Variants in VGLL3 observed in about 807,000 individuals in gnomAD.
VGLL3 encodes the protein transcription cofactor vestigial-like protein 3.
A neutral mutation model predicts 29.2 loss-of-function variants in VGLL3; 18 were observed. That is an observed-to-expected ratio of 0.62 (90% CI 0.43 to 0.91). The LOEUF (loss-of-function observed/expected upper bound fraction) is 0.91. Among genes scored for constraint, VGLL3 ranks in the 40% least tolerant of loss-of-function variants. VGLL3 has a pLI of 0.00. For synonymous variants in VGLL3, 180 were observed against 151.8 expected (o/e 1.19, Z -1.36); for missense variants, 440 against 413.2 (o/e 1.06, Z -0.56).
intron 1 of VGLL3, among the ~76,000 whole-genome samples, chr3:86,982,372 CT>C (rs1705343987): frequency 6.6e-6 from 1 of 151,990 alleles, no homozygotes; most frequent in African/African-American, 2.4e-5. Context: ...TCTCAAACTC[CT>C]GACCTCAGGT....
intron 3 of VGLL3, among the ~76,000 whole-genome samples, chr3:86,961,340 G>C (rs191149368): frequency 5.3e-4 from 81 of 152,166 alleles, no homozygotes; most frequent in African/African-American, 1.9e-3. Context: ...ATCTTCACTT[G>C]AAAAATTAAT....
At chr3:86,963,852 C>T (rs1389439681) in intron 3 of VGLL3, among the ~76,000 whole-genome samples, 1 of 152,186 alleles carries the variant, frequency 6.6e-6, no homozygotes, top group African/African-American at 2.4e-5. Context: ...GGCAGTCTGG[C>T]TTCAAAGCTC....
intron 2 of VGLL3, among the ~76,000 whole-genome samples, chr3:86,970,810 C>A (rs925795338): frequency 7.9e-5 from 12 of 152,082 alleles, no homozygotes; most frequent in African/African-American, 2.9e-4. Flanking sequence ...GACCAAGGAG[C>A]CCAGCTCTGA....
At chr3:86,974,968 G>GAAAAGGCATC (rs1208927735) in intron 2 of VGLL3, among the ~76,000 whole-genome samples, 1 of 152,194 alleles carries the variant, frequency 6.6e-6, no homozygotes, top group East Asian at 1.9e-4. Context: ...AAGGAAGAGA[G>GAAAAGGCATC]AAAAGGCATC....
chr3:86,949,936 T>A (rs2106963017), intron 3 of VGLL3, among the ~76,000 whole-genome samples: 1 of 152,122 alleles, frequency 6.6e-6, no homozygotes, highest in Non-Finnish European at 1.5e-5. Flanking sequence ...AGTCAACAAG[T>A]ACATTTAGTT....
chr3:86,978,246 G>T (rs995936106), intron 2 of VGLL3, among the ~76,000 whole-genome samples: 1 of 152,170 alleles, frequency 6.6e-6, no homozygotes. Flanking sequence ...CTTTAGGAAT[G>T]GTACTTCGCA....
rs928339949 is a variant in VGLL3, at chr3:86,940,287, G to A, written c.*6737C>T. The A allele has an allele frequency of 2.0e-5, 3 of 152,412 alleles. No homozygotes were observed. Among genetic ancestry groups the A allele is most frequent in the African/African-American group, 7.3e-5 (3 of 41,378 alleles). 9.4% of individuals were successfully genotyped at this position (152,412 alleles called of 1,614,324 possible). On this transcript the variant is annotated 3_prime_UTR_variant, in exon 4 of 4. Coordinates refer to ENST00000398399, the MANE Select transcript of VGLL3 (RefSeq NM_016206.4). Reference sequence around the variant, plus strand: ...TTGTTTGTTTTTTCATACTACTTATGGCAGAGTCCCTGTCAACAAATGTAA... The same window carrying A: ...TTGTTTGTTTTTTCATACTACTTATAGCAGAGTCCCTGTCAACAAATGTAA...
At chr3:86,967,694 C>T (rs1704992848) in intron 3 of VGLL3, among the ~76,000 whole-genome samples, 1 of 152,120 alleles carries the variant, frequency 6.6e-6, no homozygotes, top group Admixed American at 6.5e-5. Context: ...AGCAAAAGAA[C>T]CTGGGACCCA....
chr3:86,951,464 C>T (rs974530768), intron 3 of VGLL3, among the ~76,000 whole-genome samples: 3 of 152,078 alleles, frequency 2.0e-5, no homozygotes, highest in African/African-American at 7.2e-5. Flanking sequence ...CCCAAAGGGC[C>T]AGCCTTCTAA....
chr3:86,962,518 AATGAAT>A (rs1487255991), intron 3 of VGLL3: 1 of 985,222 alleles, frequency 1.0e-6, no homozygotes, highest in East Asian at 1.1e-4. Flanking sequence ...AATATGTTGT[AATGAAT>A]CTTAACAATT....
At chr3:86,989,902 A>G (rs1705543971) in intron 1 of VGLL3, among the ~76,000 whole-genome samples, 1 of 152,100 alleles carries the variant, frequency 6.6e-6, no homozygotes. Flanking sequence ...ACCCCTTATT[A>G]TGGACATCTT....
chr3:86,984,044 A>G (rs1004601280), intron 1 of VGLL3, among the ~76,000 whole-genome samples: 1 of 152,234 alleles, frequency 6.6e-6, no homozygotes, highest in Non-Finnish European at 1.5e-5. Context: ...AACAGAAAAC[A>G]TCAGTCAGCA....
At chr3:86,958,138 C>T (rs557826936) in intron 3 of VGLL3, among the ~76,000 whole-genome samples, 2 of 152,234 alleles carry the variant, frequency 1.3e-5, no homozygotes, top group Admixed American at 1.3e-4. Flanking sequence ...TAGATCCCAC[C>T]TCTTGATGGT....
Position 86,942,148 on chromosome 3 carries a change from T to C in VGLL3, c.*4876A>G, listed in dbSNP as rs1233957083. ...TCTCTCAAACAAGCCTTTCTTATTCTGAAAGATGTCTTTTATCTTACAGGA... is the reference window on the plus strand; with the variant it reads ...TCTCTCAAACAAGCCTTTCTTATTCCGAAAGATGTCTTTTATCTTACAGGA... On this transcript the variant is annotated 3_prime_UTR_variant, in exon 4 of 4. Coordinates refer to ENST00000398399, the MANE Select transcript of VGLL3 (RefSeq NM_016206.4). 2.0e-5 allele frequency: 3 copies of C among 152,196 alleles called. No homozygotes were observed. Among genetic ancestry groups the C allele is most frequent in the Admixed American group, 1.3e-4 (2 of 15,274 alleles). The allele number at this position is 152,196 out of a possible 1,614,324, so 9.4% of individuals were successfully genotyped here. A position where few individuals can be genotyped will look rare whatever the true frequency, so the allele number is the denominator to read the frequency against.
rs1333660400 is a variant in VGLL3 at position 86,940,159 on chromosome 3, T to C, written c.*6865A>G. 2 of 152,208 alleles carry C rather than the reference T, an allele frequency of 1.3e-5. No homozygotes were observed. The highest frequency in any genetic ancestry group is 2.9e-5 in the Non-Finnish European group (2 of 68,044). The allele number at this position is 152,208 out of a possible 1,614,324, so 9.4% of individuals were successfully genotyped here. A position where few individuals can be genotyped will look rare whatever the true frequency, so the allele number is the denominator to read the frequency against. Reference sequence around the variant, plus strand: ...TTAGTACTTTCACATTAAAGATACGTGTAATAAGAAAATTGAAGGCCCACT... The same window carrying C: ...TTAGTACTTTCACATTAAAGATACGCGTAATAAGAAAATTGAAGGCCCACT... On this transcript the variant is annotated 3_prime_UTR_variant, in exon 4 of 4. Coordinates refer to ENST00000398399, the MANE Select transcript of VGLL3 (RefSeq NM_016206.4).
Position 86,944,365 on chromosome 3 carries a change from C to G in VGLL3, c.*2659G>C, listed in dbSNP as rs954898682. The G allele has an allele frequency of 6.6e-6, 1 of 152,508 alleles. No individual in the cohort carries two copies. The highest frequency in any genetic ancestry group is 1.9e-4 in the East Asian group (1 of 5,186). The allele number at this position is 152,508 out of a possible 1,614,324, so 9.4% of individuals were successfully genotyped here. ...GGCTCAAACGTTCCTCCGGACTCAGCCTCCAGAGTAGCTGGGACAACAGGT... is the reference window on the plus strand; with the variant it reads ...GGCTCAAACGTTCCTCCGGACTCAGGCTCCAGAGTAGCTGGGACAACAGGT... On this transcript the variant is annotated 3_prime_UTR_variant, in exon 4 of 4. Transcript: ENST00000398399.
At position 86,951,635 on chromosome 3, in the gene VGLL3, T is replaced by A. The variant is rs139464644; in HGVS notation, c.938-4568A>T. On this transcript the variant is annotated intron_variant, in intron 3 of 3. Coordinates refer to ENST00000398399, the MANE Select transcript of VGLL3 (RefSeq NM_016206.4). ...CAGATCTACCTCTTGTAAAATGCTA[T>A]AGAAATAAGAAAATAGAAATGGCAA... is the stretch of plus-strand genomic sequence containing the variant. Among the ~76,000 whole-genome samples, 6 of 152,224 alleles carry A rather than the reference T, an allele frequency of 3.9e-5. No homozygotes were observed. The East Asian group carries it at 9.7e-4, about 25-fold the overall frequency.
At chr3:86,971,327 C>G (rs540505944) in intron 2 of VGLL3, among the ~76,000 whole-genome samples, 19 of 152,248 alleles carry the variant, frequency 1.2e-4, no homozygotes, top group Non-Finnish European at 2.4e-4. Context: ...ACTGCAAGCT[C>G]TTCTATTCTC....
At position 86,978,523 on chromosome 3, in the gene VGLL3, T is replaced by C. The variant is rs199842002; in HGVS notation, c.403+3A>G. ...TGGAGAACATCTGCTTTTGAATTCT[T>C]ACCTCGCCATAGGGGGGTTAGCCCC... On this transcript the variant is annotated splice_donor_region_variant and intron_variant, in intron 2 of 3. Coordinates refer to ENST00000398399, the MANE Select transcript of VGLL3 (RefSeq NM_016206.4). 4.3e-4 allele frequency: 690 copies of C among 1,613,508 alleles called. 2 individuals are homozygous for C. The African/African-American group carries it at 8.2e-3, about 19-fold the overall frequency.
Sources: allele counts gnomAD v4.1 joint callset (sites outside exome capture counted in the v4.1 genomes callset), GRCh38; gene constraint gnomAD v4.1.1; transcripts MANE v1.5; gene names NCBI Gene and HGNC (gene_info 2026-07-23, HGNC 2026-07-21).